Variants in FAM174B observed in about 807,000 individuals in gnomAD.
The protein encoded by FAM174B is family with sequence similarity 174 member B, also known as membrane protein FAM174B.
In FAM174B, 12 loss-of-function variants were observed where a neutral mutation model predicts 10.9. The ratio of observed to expected loss-of-function variants is 1.10; its 90% CI spans 0.71 to 1.79. FAM174B has a LOEUF of 1.79. Among genes scored for constraint, FAM174B ranks in the 40% most tolerant of loss-of-function variants. FAM174B has a pLI of 0.00. For synonymous variants in FAM174B, 132 were observed against 115.8 expected, an observed-to-expected ratio of 1.14 and a Z score of -0.90; for missense variants, 266 against 233.3, an observed-to-expected ratio of 1.14 and a Z score of -0.91.
chr15:92,646,417 G>A (rs1567049688), intron 1 of FAM174B, among the ~76,000 whole-genome samples: 2 of 152,058 alleles, frequency 1.3e-5, no homozygotes, highest in African/African-American at 4.8e-5. Context: ...ACTGAGCCTT[G>A]GTTTTCTCAT....
chr15:92,632,201 C>G (rs1043073729), intron 1 of FAM174B, among the ~76,000 whole-genome samples: 1 of 152,188 alleles, frequency 6.6e-6, no homozygotes, highest in Non-Finnish European at 1.5e-5. Flanking sequence ...AAAATGGTTA[C>G]AACACTACAG....
chr15:92,619,068 AGGC>A lies in FAM174B; in HGVS notation c.*385_*387del, dbSNP rs2050700844. On this transcript the variant is annotated 3_prime_UTR_variant, in exon 3 of 3. Coordinates refer to ENST00000327355, the MANE Select transcript of FAM174B (RefSeq NM_207446.3). ...CTAAATACACAGTTGGACATCCTTC[AGGC>A]TTGTTTTAGATTCTTGATCCTCCTG... The A allele has an allele frequency of 1.6e-6, 1 of 614,902 alleles. No homozygotes were observed. The allele number at this position is 614,902 out of a possible 1,614,324, so 38.1% of individuals were successfully genotyped here. A position where few individuals can be genotyped will look rare whatever the true frequency, so the allele number is the denominator to read the frequency against.
At chr15:92,654,666 C>T (rs1351433276) in intron 1 of FAM174B, among the ~76,000 whole-genome samples, 3 of 152,184 alleles carry the variant, frequency 2.0e-5, no homozygotes, top group East Asian at 1.9e-4. Flanking sequence ...ATAAGGGAGG[C>T]CACCAAGGGT....
intron 2 of FAM174B, among the ~76,000 whole-genome samples, chr15:92,622,507 G>C (rs1210120450): frequency 6.6e-6 from 1 of 152,238 alleles, no homozygotes; most frequent in African/African-American, 2.4e-5. Flanking sequence ...GCTGTCTCCA[G>C]AGGAGGCTGG....
At chr15:92,639,627 G>A (rs192877631) in intron 1 of FAM174B, among the ~76,000 whole-genome samples, 1 of 152,310 alleles carries the variant, frequency 6.6e-6, no homozygotes, top group East Asian at 1.9e-4. Flanking sequence ...GGGGCCTGGT[G>A]GAAGGTGACT....
At chr15:92,620,483 G>A (rs889328353) in intron 2 of FAM174B, among the ~76,000 whole-genome samples, 2 of 152,052 alleles carry the variant, frequency 1.3e-5, no homozygotes, top group African/African-American at 2.4e-5. Context: ...GGGCAACAGA[G>A]CAAGACTCCG....
intron 2 of FAM174B, among the ~76,000 whole-genome samples, chr15:92,626,247 A>C (rs772366273): frequency 2.0e-5 from 3 of 151,422 alleles, no homozygotes; most frequent in African/African-American, 2.4e-5. Context: ...TACAGGCGCC[A>C]GCCACCGTGC....
chr15:92,622,424 T>G (rs1300070464), intron 2 of FAM174B, among the ~76,000 whole-genome samples: 1 of 152,170 alleles, frequency 6.6e-6, no homozygotes, highest in Non-Finnish European at 1.5e-5. Context: ...AGCCATGTAG[T>G]TGGCTGGGCC....
chr15:92,621,830 G>A (rs1452329637), intron 2 of FAM174B, among the ~76,000 whole-genome samples: 2 of 151,992 alleles, frequency 1.3e-5, no homozygotes, highest in Admixed American at 6.6e-5. Flanking sequence ...ACCCCCCACT[G>A]CAAAGAGGAA....
intron 1 of FAM174B, among the ~76,000 whole-genome samples, chr15:92,652,319 G>T (rs1418196824): frequency 6.6e-6 from 1 of 152,194 alleles, no homozygotes; most frequent in Non-Finnish European, 1.5e-5. Context: ...CAGCAACGAG[G>T]TCAAACAGCA....
At chr15:92,653,142 A>G (rs950796806) in intron 1 of FAM174B, 2 of 152,166 alleles carry the variant, frequency 1.3e-5, no homozygotes, top group African/African-American at 2.4e-5. Context: ...TCACCCTAAC[A>G]AGATTGCCTT....
intron 1 of FAM174B, among the ~76,000 whole-genome samples, chr15:92,638,849 C>A (rs889705179): frequency 7.9e-5 from 12 of 152,336 alleles, no homozygotes; most frequent in African/African-American, 2.9e-4. Context: ...ATAGGCACAT[C>A]CCTGCCACGG....
chr15:92,651,033 T>C (rs1377609414), intron 1 of FAM174B, among the ~76,000 whole-genome samples: 1 of 152,236 alleles, frequency 6.6e-6, no homozygotes, highest in African/African-American at 2.4e-5. Context: ...GGAAATCAGA[T>C]TGATTAAGGA....
Position 92,618,744 on chromosome 15 carries a change from GCA to G in FAM174B, c.*710_*711del, listed in dbSNP as rs10557124. 72,581 of 149,988 alleles carry G rather than the reference GCA, an allele frequency of 0.48. 16,748 individuals carry two copies. Among genetic ancestry groups the G allele is most frequent in the African/African-American group, 0.57 (21,786 of 38,350 alleles). The allele number at this position is 149,988 out of a possible 1,614,324, so 9.3% of individuals were successfully genotyped here. A position where few individuals can be genotyped will look rare whatever the true frequency, so the allele number is the denominator to read the frequency against. ...CACACACGTGCACACGCACACACGT[GCA>G]CACACACACACACACACACGCACAG... is the stretch of plus-strand genomic sequence containing the variant. On this transcript the variant is annotated 3_prime_UTR_variant, in exon 3 of 3. Transcript: ENST00000327355.
rs1432414366 is a variant in FAM174B, at chr15:92,643,307, A to C, written c.344+12009T>G. Among the ~76,000 whole-genome samples the C allele has an allele frequency of 7.3e-5, 11 of 151,030 alleles. No homozygotes were observed. In the East Asian group the frequency reaches 2.1e-3, roughly 29 times the overall value. The stretch of plus-strand genomic sequence containing the variant: ...AATGAGTGAATATAGTATATAAGTT[A>C]TATCTCACCAAAGTCATTATAAGAA... On this transcript the variant is annotated intron_variant, in intron 1 of 2. Transcript: ENST00000327355.
chr15:92,651,254 A>T (rs986430917), intron 1 of FAM174B, among the ~76,000 whole-genome samples: 4 of 152,080 alleles, frequency 2.6e-5, no homozygotes, highest in East Asian at 1.9e-4. Flanking sequence ...AAGAATGAGC[A>T]CCCCCTAGGA....
chr15:92,617,730 G>A lies in FAM174B; in HGVS notation c.*1726C>T. ...CCCGTGAGTCACCACTCAGGCCTGA[G>A]TACACCGTGGAGAGGAGAGATAAAG... is the stretch of plus-strand genomic sequence containing the variant. On this transcript the variant is annotated 3_prime_UTR_variant, in exon 3 of 3. Coordinates refer to ENST00000327355, the MANE Select transcript of FAM174B (RefSeq NM_207446.3). The A allele has an allele frequency of 1.5e-6, 1 of 651,994 alleles. No individual in the cohort carries two copies. The highest frequency in any genetic ancestry group is 2.7e-6 in the Non-Finnish European group (1 of 364,590). 40.4% of individuals were successfully genotyped at this position (651,994 alleles called of 1,614,324 possible). A position where few individuals can be genotyped will look rare whatever the true frequency, so the allele number is the denominator to read the frequency against.
chr15:92,629,616 A>G (rs1031175989), intron 2 of FAM174B, among the ~76,000 whole-genome samples: 2 of 152,162 alleles, frequency 1.3e-5, no homozygotes, highest in African/African-American at 4.8e-5. Flanking sequence ...TTCCTTCTAT[A>G]AAGGTGACTT....
At chr15:92,637,850 C>G (rs2050865964) in intron 1 of FAM174B, among the ~76,000 whole-genome samples, 1 of 152,194 alleles carries the variant, frequency 6.6e-6, no homozygotes, top group Non-Finnish European at 1.5e-5. Flanking sequence ...GGACAGGGCC[C>G]TCATTTTACT....
Sources: allele counts gnomAD v4.1 joint callset (sites outside exome capture counted in the v4.1 genomes callset), GRCh38; gene constraint gnomAD v4.1.1; transcripts MANE v1.5; gene names NCBI Gene and HGNC (gene_info 2026-07-23, HGNC 2026-07-21).